Variants in CHODL observed in about 807,000 individuals in gnomAD.
CHODL encodes chondrolectin.
Under a neutral mutation model 34.5 loss-of-function variants are expected in CHODL, and 29 were observed. That is an observed-to-expected ratio of 0.84 (90% CI 0.63 to 1.15). CHODL has a LOEUF of 1.15. Among genes scored for constraint, CHODL ranks in the 50% most tolerant of loss-of-function variants. The probability of loss-of-function intolerance (pLI) is 0.00; values close to 1 mark genes in which losing one functional copy is unlikely to be tolerated. For missense variants in CHODL, 332 were observed against 332.5 expected (o/e 1.00, Z 0.01); for synonymous variants, 125 against 116.1 (o/e 1.08, Z -0.49).
At chr21:17,973,735 A>G (rs2063638092) in intron 1 of CHODL, among the ~76,000 whole-genome samples, 1 of 151,536 alleles carries the variant, frequency 6.6e-6, no homozygotes, top group Admixed American at 6.6e-5. Flanking sequence ...TGCATTCTCT[A>G]AGGATTCTGT....
chr21:18,133,672 C>G (rs1392061862), intron 2 of CHODL, among the ~76,000 whole-genome samples: 2 of 152,092 alleles, frequency 1.3e-5, no homozygotes, highest in Admixed American at 1.3e-4. Flanking sequence ...CGTATAGCCC[C>G]CTTTAGAAGG....
chr21:18,138,148 ACTTAT>A (rs1011553853), intron 2 of CHODL, among the ~76,000 whole-genome samples: 1 of 142,940 alleles, frequency 7.0e-6, no homozygotes, highest in Admixed American at 6.8e-5. Context: ...TTATATCCTG[ACTTAT>A]CTTTTTTTTT....
intron 1 of CHODL, among the ~76,000 whole-genome samples, chr21:17,972,852 A>G (rs2063626834): frequency 6.6e-6 from 1 of 152,234 alleles, no homozygotes; most frequent in Non-Finnish European, 1.5e-5. Flanking sequence ...GTAAGCAAAA[A>G]GAACAAAGCT....
chr21:18,029,205 C>T (rs575192085), intron 2 of CHODL, among the ~76,000 whole-genome samples: 1 of 152,206 alleles, frequency 6.6e-6, no homozygotes, highest in South Asian at 2.1e-4. Context: ...CTTTAAATAG[C>T]ATGAGTGATA....
chr21:17,992,727 T>TTTC, intron 1 of CHODL, among the ~76,000 whole-genome samples: 1 of 84,356 alleles, frequency 1.2e-5, no homozygotes, highest in East Asian at 2.5e-4. Context: ...TGTTTTTTTT[T>TTTC]TTTTTTTTTT....
At chr21:18,135,177 A>T (rs1028804788) in intron 2 of CHODL, among the ~76,000 whole-genome samples, 1 of 152,148 alleles carries the variant, frequency 6.6e-6, no homozygotes, top group Non-Finnish European at 1.5e-5. Context: ...TTTTATTATT[A>T]TATACGAGGA....
intron 1 of CHODL, among the ~76,000 whole-genome samples, chr21:17,933,440 CTCT>C (rs1412707155): frequency 6.6e-6 from 1 of 152,188 alleles, no homozygotes; most frequent in East Asian, 1.9e-4. Context: ...GTGGTGATGA[CTCT>C]TAAAGAGCAT....
intron 2 of CHODL, among the ~76,000 whole-genome samples, chr21:18,040,094 C>T (rs2064356894): frequency 6.6e-6 from 1 of 151,812 alleles, no homozygotes; most frequent in South Asian, 2.1e-4. Flanking sequence ...AACCTCTTAT[C>T]ATAATTGAGT....
intron 2 of CHODL, among the ~76,000 whole-genome samples, chr21:18,049,195 A>G (rs1478176275): frequency 6.6e-6 from 1 of 151,980 alleles, no homozygotes; most frequent in East Asian, 1.9e-4. Context: ...CAGTTGAATG[A>G]GGGAAGCTGC....
intron 1 of CHODL, among the ~76,000 whole-genome samples, chr21:18,005,739 C>G (rs1206903442): frequency 6.6e-6 from 1 of 152,164 alleles, no homozygotes; most frequent in Non-Finnish European, 1.5e-5. Flanking sequence ...TGTAGTTAAC[C>G]AGAATCCATA....
intron 2 of CHODL, among the ~76,000 whole-genome samples, chr21:18,061,872 G>A (rs154742): frequency 0.39 from 59,805 of 151,812 alleles, 13,034 homozygotes; most frequent in East Asian, 0.95. Context: ...CTCAGCAGCT[G>A]TGTAAGTGAG....
At chr21:18,200,113 T>C (rs2073635157) in intron 2 of CHODL, among the ~76,000 whole-genome samples, 1 of 152,158 alleles carries the variant, frequency 6.6e-6, no homozygotes, top group Non-Finnish European at 1.5e-5. Context: ...CTTGCAGCAT[T>C]TGATATTGTA....
At chr21:17,996,446 G>A (rs1257101734) in intron 1 of CHODL, among the ~76,000 whole-genome samples, 1 of 152,156 alleles carries the variant, frequency 6.6e-6, no homozygotes, top group Admixed American at 6.5e-5. Context: ...GGACTCCTCT[G>A]CAGGTCTCAG....
At chr21:17,981,132 A>T (rs2063710504) in intron 1 of CHODL, among the ~76,000 whole-genome samples, 1 of 151,776 alleles carries the variant, frequency 6.6e-6, no homozygotes, top group East Asian at 1.9e-4. Context: ...TATTCCATCT[A>T]TGGAAAACAT....
chr21:17,943,364 C>T (rs1378283352), intron 1 of CHODL, among the ~76,000 whole-genome samples: 2 of 152,176 alleles, frequency 1.3e-5, no homozygotes, highest in African/African-American at 4.8e-5. Flanking sequence ...AGATTTTGGA[C>T]TTGCCTAAAA....
intron 2 of CHODL, among the ~76,000 whole-genome samples, chr21:18,203,569 G>A (rs1048537907): frequency 6.6e-6 from 1 of 152,096 alleles, no homozygotes; most frequent in African/African-American, 2.4e-5. Flanking sequence ...ATTTGGGTCT[G>A]TAATTATACT....
chr21:18,060,724 G>A (rs116643068), intron 2 of CHODL, among the ~76,000 whole-genome samples: 1,951 of 94,408 alleles, frequency 0.021, 20 homozygotes, highest in African/African-American at 0.034. Flanking sequence ...AAAAAAAAAA[G>A]AAAGCAAGCA....
At chr21:17,934,457 A>G (rs1231101205) in intron 1 of CHODL, among the ~76,000 whole-genome samples, 1 of 151,672 alleles carries the variant, frequency 6.6e-6, no homozygotes, top group South Asian at 2.1e-4. Context: ...CCCTATTAGT[A>G]TAGAGTGTTT....
At chr21:17,945,630 C>T (rs1048901756) in intron 1 of CHODL, among the ~76,000 whole-genome samples, 4 of 152,092 alleles carry the variant, frequency 2.6e-5, no homozygotes, top group Admixed American at 6.6e-5. Flanking sequence ...CTAAACCTTT[C>T]AATCACAGGA....
Sources: gnomAD v4.1 joint callset for allele counts (sites outside exome capture counted in the v4.1 genomes callset) on GRCh38, gnomAD v4.1.1 for gene constraint, MANE v1.5 for transcripts, NCBI Gene and HGNC (gene_info 2026-07-23, HGNC 2026-07-21) for gene names.